DIS3L2: variants seen among roughly 807,000 people sequenced by gnomAD.
DIS3L2 encodes the protein DIS3-like exonuclease 2.
A neutral mutation model predicts 97.5 loss-of-function variants in DIS3L2; 34 were observed. The observed-to-expected ratio is 0.35, with a 90% CI of 0.27 to 0.46. The LOEUF (loss-of-function observed/expected upper bound fraction) is 0.46. Ranked by LOEUF, DIS3L2 falls within the 20% of genes least tolerant of loss-of-function variation. The probability of loss-of-function intolerance (pLI) is 1.00; values close to 1 mark genes in which losing one functional copy is unlikely to be tolerated. For synonymous variants in DIS3L2, 435 were observed against 445.2 expected (o/e 0.98, Z 0.29); for missense variants, 1,038 against 1,146.0 (o/e 0.91, Z 1.36).
intron 6 of DIS3L2, among the ~76,000 whole-genome samples, chr2:232,115,391 G>A (rs1031755967): frequency 2.6e-5 from 4 of 151,996 alleles, no homozygotes; most frequent in African/African-American, 9.7e-5. Context: ...TATGTCATAC[G>A]AATGTATTGA....
At chr2:231,992,690 T>G (rs569438206) in intron 1 of DIS3L2, among the ~76,000 whole-genome samples, 1 of 152,278 alleles carries the variant, frequency 6.6e-6, no homozygotes, top group East Asian at 1.9e-4. Flanking sequence ...AATGAACACT[T>G]AATGCCTTAT....
chr2:232,133,445 T>G (rs1190800417), intron 7 of DIS3L2, among the ~76,000 whole-genome samples: 1 of 152,104 alleles, frequency 6.6e-6, no homozygotes, highest in Non-Finnish European at 1.5e-5. Context: ...ATAAAAGATT[T>G]AAATGAGACC....
intron 11 of DIS3L2, among the ~76,000 whole-genome samples, chr2:232,247,461 A>G (rs1043974953): frequency 2.6e-5 from 4 of 151,928 alleles, no homozygotes; most frequent in East Asian, 1.9e-4. Context: ...ACTCATGCAG[A>G]GAGAGACTTG....
intron 5 of DIS3L2, among the ~76,000 whole-genome samples, chr2:232,051,008 G>A (rs1232076803): frequency 6.6e-6 from 1 of 152,240 alleles, no homozygotes; most frequent in African/African-American, 2.4e-5. Flanking sequence ...ATTAAGGGGA[G>A]AGGAGAATAT....
chr2:232,019,705 G>A (rs1309940765), intron 3 of DIS3L2, among the ~76,000 whole-genome samples: 2 of 152,156 alleles, frequency 1.3e-5, no homozygotes, highest in Non-Finnish European at 2.9e-5. Flanking sequence ...TGGGGGTGAT[G>A]AGAGAACTTT....
At chr2:232,149,446 T>C (rs1353204995) in intron 8 of DIS3L2, among the ~76,000 whole-genome samples, 4 of 133,572 alleles carry the variant, frequency 3.0e-5, no homozygotes, top group Non-Finnish European at 6.2e-5. Context: ...GAATATGCGG[T>C]GTTTGGTTTT....
At chr2:232,074,209 TAA>T (rs1696117449) in intron 5 of DIS3L2, among the ~76,000 whole-genome samples, 1 of 152,266 alleles carries the variant, frequency 6.6e-6, no homozygotes, top group Non-Finnish European at 1.5e-5. Flanking sequence ...CTTACAGTGA[TAA>T]GTTTCAATTT....
At chr2:232,085,729 A>C (rs1207969987) in intron 5 of DIS3L2, among the ~76,000 whole-genome samples, 3 of 152,220 alleles carry the variant, frequency 2.0e-5, no homozygotes, top group African/African-American at 7.2e-5. Flanking sequence ...ATTTTAATAT[A>C]GTGTCCATAG....
chr2:232,208,422 T>C (rs987226065), intron 9 of DIS3L2, among the ~76,000 whole-genome samples: 1 of 151,974 alleles, frequency 6.6e-6, no homozygotes, highest in Non-Finnish European at 1.5e-5. Flanking sequence ...ACAATTTTCC[T>C]GTCTCAGTCT....
intron 10 of DIS3L2, among the ~76,000 whole-genome samples, chr2:232,230,396 G>T (rs1274069049): frequency 6.6e-6 from 1 of 152,266 alleles, no homozygotes; most frequent in South Asian, 2.1e-4. Flanking sequence ...CATCCCTTTC[G>T]CTCAGCCCCC....
At chr2:232,172,534 C>G (rs1691021296) in intron 9 of DIS3L2, 1 of 363,562 alleles carries the variant, frequency 2.8e-6, no homozygotes, top group African/African-American at 2.1e-5. Flanking sequence ...TTTGTTTATT[C>G]ATTAGTTGAT....
intron 1 of DIS3L2, among the ~76,000 whole-genome samples, chr2:231,969,261 T>C (rs1692820956): frequency 6.6e-6 from 1 of 152,114 alleles, no homozygotes; most frequent in South Asian, 2.1e-4. Flanking sequence ...TACATTAATC[T>C]TCTCCATCAA....
At chr2:232,113,690 G>T (rs1215428808) in intron 6 of DIS3L2, among the ~76,000 whole-genome samples, 2 of 152,156 alleles carry the variant, frequency 1.3e-5, no homozygotes, top group African/African-American at 4.8e-5. Flanking sequence ...ACTCCATCTT[G>T]CCTCTAACCT....
chr2:232,101,777 C>T (rs1697210138), intron 6 of DIS3L2, among the ~76,000 whole-genome samples: 1 of 152,224 alleles, frequency 6.6e-6, no homozygotes, highest in African/African-American at 2.4e-5. Context: ...TAGGCTTGTC[C>T]TCCCAACTAT....
chr2:232,315,311 A>C lies in DIS3L2; in HGVS notation c.1740-14502A>C, dbSNP rs534137418. On this transcript the variant is annotated intron_variant, in intron 14 of 20. Transcript: ENST00000325385. The stretch of plus-strand genomic sequence containing the variant: ...TAAAAACCCTCACTCCGGTACTGAA[A>C]GCCCAGAGCCCAGGCTCAGGCCACA... 8.0e-4 allele frequency among the ~76,000 whole-genome samples: 122 copies of C among 152,338 alleles called. 1 individual carries two copies. The highest frequency in any genetic ancestry group is 1.4e-3 in the Non-Finnish European group (97 of 68,032).
At chr2:232,329,785 T>TCCCGGGGGGACCC in intron 14 of DIS3L2, 28 bp from the exon 15 acceptor site, 1 of 967,144 alleles carries the variant, frequency 1.0e-6, no homozygotes, top group Non-Finnish European at 1.5e-6. Flanking sequence ...ACCCCAGCGG[T>TCCCGGGGGGACCC]CCCTCCCATC....
At chr2:232,115,157 A>G (rs1028876626) in intron 6 of DIS3L2, among the ~76,000 whole-genome samples, 1 of 152,172 alleles carries the variant, frequency 6.6e-6, no homozygotes, top group African/African-American at 2.4e-5. Context: ...GTACTGCCAC[A>G]TTGGGAATTA....
chr2:232,015,438 A>G (rs1444408277), intron 2 of DIS3L2, 76 bp from the exon 3 acceptor site: 1 of 1,530,438 alleles, frequency 6.5e-7, no homozygotes, highest in African/African-American at 1.4e-5. Context: ...AATAATTGTA[A>G]AAAGGTATAA....
At chr2:232,257,308 C>A (rs1454357828) in intron 12 of DIS3L2, among the ~76,000 whole-genome samples, 1 of 152,160 alleles carries the variant, frequency 6.6e-6, no homozygotes, top group Non-Finnish European at 1.5e-5. Flanking sequence ...CCTTCCCTAG[C>A]AAGTTTGCGT....
Sources: gnomAD v4.1 joint callset for allele counts (sites outside exome capture counted in the v4.1 genomes callset) on GRCh38, gnomAD v4.1.1 for gene constraint, MANE v1.5 for transcripts, NCBI Gene and HGNC (gene_info 2026-07-23, HGNC 2026-07-21) for gene names.